The following PPFIA2 variants were observed in gnomAD, a reference collection of about 807,000 sequenced individuals.
PPFIA2 encodes liprin-alpha-2.
PPFIA2 carries 46 observed loss-of-function variants against 175.5 expected under a neutral mutation model. The observed-to-expected ratio is 0.26, with a 90% CI of 0.21 to 0.34. PPFIA2 has a LOEUF of 0.34. Ranked by LOEUF, PPFIA2 falls within the 10% of genes least tolerant of loss-of-function variation. PPFIA2 has a pLI of 1.00. For synonymous variants in PPFIA2, 568 were observed against 511.4 expected, an observed-to-expected ratio of 1.11 and a Z score of -1.49; for missense variants, 1,179 against 1,506.1, an observed-to-expected ratio of 0.78 and a Z score of 3.60.
rs564369679 is a variant in PPFIA2 at position 81,507,413 on chromosome 12, C to T, written c.304-49547G>A. Among the ~76,000 whole-genome samples, 26 of 135,668 alleles carry T rather than the reference C, an allele frequency of 1.9e-4. 1 individual carries two copies. The East Asian group carries it at 5.4e-3, about 28-fold the overall frequency. 89.0% of individuals were successfully genotyped at this position (135,668 alleles called of 152,430 possible). ...GTATATATACAACTAAAATCCAGAA[C>T]ATAATTATTATTAAAATGTCTGAGA... On this transcript the variant is annotated intron_variant, in intron 4 of 32. Transcript: ENST00000549396.
At chr12:81,699,553 CAA>C (rs55751137) in intron 3 of PPFIA2, among the ~76,000 whole-genome samples, 17 of 148,698 alleles carry the variant, frequency 1.1e-4, no homozygotes, top group African/African-American at 2.7e-4. Flanking sequence ...CTCTCTAAAA[CAA>C]AAAAAAAATA....
chr12:81,572,609 G>A (rs978427983), intron 4 of PPFIA2, among the ~76,000 whole-genome samples: 1 of 151,846 alleles, frequency 6.6e-6, no homozygotes, highest in Non-Finnish European at 1.5e-5. Flanking sequence ...TGTGTCTTGG[G>A]CTATTTGCTT....
chr12:81,420,100 G>A (rs552060669), intron 7 of PPFIA2, among the ~76,000 whole-genome samples: 1 of 152,232 alleles, frequency 6.6e-6, no homozygotes, highest in South Asian at 2.1e-4. Context: ...GCCCACTCCT[G>A]GAGCTGGAAC....
At chr12:81,393,857 TG>T (rs2040593478) in intron 8 of PPFIA2, among the ~76,000 whole-genome samples, 1 of 152,036 alleles carries the variant, frequency 6.6e-6, no homozygotes, top group Admixed American at 6.6e-5. Context: ...TGGTAAAACT[TG>T]GAGAATGGAA....
chr12:81,508,704 G>T (rs1025193567), intron 4 of PPFIA2, among the ~76,000 whole-genome samples: 28 of 150,884 alleles, frequency 1.9e-4, no homozygotes, highest in Middle Eastern at 6.8e-3. Context: ...TTGCTGGTGC[G>T]CTGCATCCAC....
chr12:81,439,166 CCT>C (rs375429110), intron 7 of PPFIA2, among the ~76,000 whole-genome samples: 95 of 146,274 alleles, frequency 6.5e-4, no homozygotes, highest in African/African-American at 1.2e-3. Flanking sequence ...TCTCTCTCTC[CCT>C]CTCTCTCTCT....
chr12:81,375,386 T>A (rs2036128306), intron 10 of PPFIA2, among the ~76,000 whole-genome samples: 1 of 152,086 alleles, frequency 6.6e-6, no homozygotes. Flanking sequence ...TAGAGCCCAA[T>A]AAACTTAGTA....
intron 4 of PPFIA2, among the ~76,000 whole-genome samples, chr12:81,574,463 T>C (rs2073141537): frequency 1.3e-5 from 2 of 151,748 alleles, no homozygotes; most frequent in Admixed American, 1.3e-4. Context: ...AAATAGAAAA[T>C]GATCAGAATC....
intron 4 of PPFIA2, among the ~76,000 whole-genome samples, chr12:81,460,610 T>G (rs1278051641): frequency 6.6e-6 from 1 of 152,070 alleles, no homozygotes; most frequent in Non-Finnish European, 1.5e-5. Context: ...ATATCTCACA[T>G]GGAGTTAACC....
At chr12:81,362,213 C>T (rs546508162) in intron 15 of PPFIA2, among the ~76,000 whole-genome samples, 14 of 149,156 alleles carry the variant, frequency 9.4e-5, no homozygotes, top group East Asian at 2.0e-4. Context: ...ATTACTTTAC[C>T]GAAATAGGTA....
At chr12:81,497,868 A>C (rs1419063568) in intron 4 of PPFIA2, among the ~76,000 whole-genome samples, 1 of 152,040 alleles carries the variant, frequency 6.6e-6, no homozygotes, top group African/African-American at 2.4e-5. Context: ...ATGTTCTGAA[A>C]TATAACCTAA....
intron 27 of PPFIA2, among the ~76,000 whole-genome samples, chr12:81,277,893 T>C (rs2040960053): frequency 6.6e-6 from 1 of 152,174 alleles, no homozygotes; most frequent in Non-Finnish European, 1.5e-5. Context: ...CTCATAACTC[T>C]AAATGATACA....
intron 4 of PPFIA2, among the ~76,000 whole-genome samples, chr12:81,561,711 G>T (rs141635285): frequency 6.6e-6 from 1 of 152,120 alleles, no homozygotes; most frequent in Admixed American, 6.5e-5. Flanking sequence ...AGTAACAGAC[G>T]CAAGCTGCCA....
chr12:81,618,219 T>C (rs1567592458), intron 4 of PPFIA2, among the ~76,000 whole-genome samples: 2 of 151,924 alleles, frequency 1.3e-5, no homozygotes, highest in Non-Finnish European at 2.9e-5. Context: ...TAATCAGCTT[T>C]ATTTTCTTCA....
At chr12:81,696,014 TA>T (rs1256325719) in intron 3 of PPFIA2, among the ~76,000 whole-genome samples, 5 of 152,206 alleles carry the variant, frequency 3.3e-5, no homozygotes, top group Non-Finnish European at 7.4e-5. Flanking sequence ...TTGTGTGGTG[TA>T]ATTGAGTGTT....
intron 4 of PPFIA2, among the ~76,000 whole-genome samples, chr12:81,577,810 T>C (rs1163532424): frequency 1.3e-5 from 2 of 151,794 alleles, no homozygotes; most frequent in Non-Finnish European, 2.9e-5. Flanking sequence ...ACTTTGGCAG[T>C]TGTATCAGTT....
At chr12:81,284,375 C>T (rs2042786552) in intron 24 of PPFIA2, 72 bp from the exon 25 acceptor site, 4 of 1,125,836 alleles carry the variant, frequency 3.6e-6, no homozygotes, top group Non-Finnish European at 4.0e-6. Flanking sequence ...AAAGGCAGCA[C>T]CTCTGTGAGT....
At chr12:81,375,244 C>T (rs986536280) in intron 10 of PPFIA2, among the ~76,000 whole-genome samples, 2 of 152,116 alleles carry the variant, frequency 1.3e-5, no homozygotes, top group African/African-American at 2.4e-5. Flanking sequence ...TACTCAACTG[C>T]GTTGTAGCAC....
intron 4 of PPFIA2, among the ~76,000 whole-genome samples, chr12:81,557,049 T>C (rs938278798): frequency 1.3e-5 from 2 of 151,794 alleles, no homozygotes; most frequent in Non-Finnish European, 2.9e-5. Flanking sequence ...CATTTTTTTT[T>C]CCCTCAATGA....
Sources: allele counts gnomAD v4.1 joint callset (sites outside exome capture counted in the v4.1 genomes callset), GRCh38; gene constraint gnomAD v4.1.1; transcripts MANE v1.5; gene names NCBI Gene and HGNC (gene_info 2026-07-23, HGNC 2026-07-21).